CA13: variants seen among roughly 807,000 people sequenced by gnomAD.
CA13 encodes the protein CA-XIII.
Under a neutral mutation model 31.5 loss-of-function variants are expected in CA13, and 21 were observed. The ratio of observed to expected loss-of-function variants is 0.67; its 90% CI spans 0.47 to 0.96. The LOEUF (loss-of-function observed/expected upper bound fraction) is 0.96. Ranked by LOEUF, CA13 falls within the 40% of genes least tolerant of loss-of-function variation. CA13 has a pLI of 0.00. For missense variants in CA13, 315 were observed against 318.9 expected, an observed-to-expected ratio of 0.99 and a Z score of 0.09; for synonymous variants, 117 against 111.4, an observed-to-expected ratio of 1.05 and a Z score of -0.32.
chr8:85,259,732 C>A (rs985578296), intron 3 of CA13, among the ~76,000 whole-genome samples, 193 bp downstream of exon 3: 1 of 152,172 alleles, frequency 6.6e-6, no homozygotes, highest in African/African-American at 2.4e-5. Flanking sequence ...AAGCGTTAAA[C>A]CAACCCTGAG....
chr8:85,279,611 A>G (rs1354293644), intron 6 of CA13, among the ~76,000 whole-genome samples: 1 of 152,180 alleles, frequency 6.6e-6, no homozygotes, highest in African/African-American at 2.4e-5. Flanking sequence ...GGGTTGAACT[A>G]CCAGAGGGGC....
intron 6 of CA13, among the ~76,000 whole-genome samples, chr8:85,274,285 T>A (rs1807568693): frequency 6.6e-6 from 1 of 152,322 alleles, no homozygotes; most frequent in South Asian, 2.1e-4. Context: ...GGGGTATTCT[T>A]GAGAGACGGG....
rs563822912 is a variant in CA13, at chr8:85,251,265, G to A, written c.235+328G>A. 3.9e-5 allele frequency among the ~76,000 whole-genome samples: 6 copies of A among 152,226 alleles called. No individual in the cohort carries two copies. The South Asian group carries it at 1.0e-3, about 26-fold the overall frequency. The stretch of plus-strand genomic sequence containing the variant: ...GATCCGCCTGCCTCGGCCTCCCAAA[G>A]TGCTGGGATTACAGGCGTGAGCCAC... On this transcript the variant is annotated intron_variant, in intron 2 of 6. Coordinates refer to ENST00000321764, the MANE Select transcript of CA13 (RefSeq NM_198584.3).
At chr8:85,262,573 T>C (rs954406927) in intron 3 of CA13, among the ~76,000 whole-genome samples, 2 of 152,162 alleles carry the variant, frequency 1.3e-5, no homozygotes, top group Admixed American at 6.5e-5. Context: ...CTGATCTTAC[T>C]GAGGTAAGTC....
chr8:85,268,109 C>A lies in CA13; in HGVS notation c.513+145C>A, dbSNP rs918255595. On this transcript the variant is annotated intron_variant, in intron 5 of 6. Coordinates refer to ENST00000321764, the MANE Select transcript of CA13 (RefSeq NM_198584.3). ...AAAAAGCAGAAGTAACCTATTACCA[C>A]TTATCTTTTGAATGTAAAGGTCTTA... 1.2e-5 allele frequency: 7 copies of A among 569,842 alleles called. No homozygotes were observed. In the South Asian group the frequency reaches 2.0e-4, roughly 16 times the overall value. 35.3% of individuals were successfully genotyped at this position (569,842 alleles called of 1,614,324 possible). A position where few individuals can be genotyped will look rare whatever the true frequency, so the allele number is the denominator to read the frequency against.
intron 3 of CA13, among the ~76,000 whole-genome samples, chr8:85,262,770 G>T (rs1352322633): frequency 6.6e-6 from 1 of 152,124 alleles, no homozygotes; most frequent in Non-Finnish European, 1.5e-5. Flanking sequence ...GGCAATAAAT[G>T]AGAGTGCAGG....
chr8:85,246,964 C>A (rs1273283364), intron 1 of CA13, among the ~76,000 whole-genome samples: 1 of 152,106 alleles, frequency 6.6e-6, no homozygotes, highest in Non-Finnish European at 1.5e-5. Context: ...TTTAATTTCA[C>A]AAACTAACAG....
chr8:85,250,646 T>C, intron 1 of CA13, 94 bp from the exon 2 acceptor site: 1 of 754,084 alleles, frequency 1.3e-6, no homozygotes, highest in East Asian at 2.6e-5. Context: ...CTTTGCGTTT[T>C]CTTCAATTTC....
rs1807737156 is a variant in CA13, at chr8:85,283,460, T to G, written c.*2111T>G. The G allele has an allele frequency of 6.6e-6, 1 of 152,606 alleles. No individual in the cohort carries two copies. Among genetic ancestry groups the G allele is most frequent in the African/African-American group, 2.4e-5 (1 of 41,468 alleles). 9.5% of individuals were successfully genotyped at this position (152,606 alleles called of 1,614,324 possible). On this transcript the variant is annotated 3_prime_UTR_variant, in exon 7 of 7. Coordinates refer to ENST00000321764, the MANE Select transcript of CA13 (RefSeq NM_198584.3). ...TAAAAAATTTTTTATTTGCTGTCTT[T>G]GGTAATTATCTCTCTGCTTGAAATT...
rs528356356 is a variant in CA13, at chr8:85,267,720, C to T, written c.451-182C>T. Among the ~76,000 whole-genome samples the T allele has an allele frequency of 6.6e-5, 10 of 152,300 alleles. No homozygotes were observed. The South Asian group carries it at 1.9e-3, about 28-fold the overall frequency. On this transcript the variant is annotated intron_variant, in intron 4 of 6. Coordinates refer to ENST00000321764, the MANE Select transcript of CA13 (RefSeq NM_198584.3). ...AACCCTGTAATATTATCTTGTTGTTCAGATCCTTCTGGCATGATAAGGCTG... is the reference window on the plus strand; with the variant it reads ...AACCCTGTAATATTATCTTGTTGTTTAGATCCTTCTGGCATGATAAGGCTG...
In CA13 at chr8:85,259,435, C is replaced by A. The variant is rs140214912; in HGVS notation, c.250C>A (p.Pro84Thr). 411 of 1,613,768 alleles carry A rather than the reference C, an allele frequency of 2.5e-4. 1 individual carries two copies. In the African/African-American group the frequency reaches 4.7e-3, roughly 18 times the overall value. Residue 84 changes from proline (P) to threonine (T), a missense_variant, in exon 3 of 7, where the codon CCT becomes ACT. By Grantham distance (38) the Pro-to-Thr change is conservative. Transcript: ENST00000321764. The stretch of plus-strand genomic sequence containing the variant: ...TTGTTGTTTAGTTCTGCGTGGTGGT[C>A]CTCTCACTGGAAGCTACAGGTTACG... ...TENKSVLRGG[P>T]LTGSYRLRQV...
chr8:85,281,597 C>G lies in CA13; in HGVS notation c.*248C>G. The G allele has an allele frequency of 1.2e-6, 1 of 824,342 alleles. No individual in the cohort carries two copies. Among genetic ancestry groups the G allele is most frequent in the Non-Finnish European group, 1.6e-6 (1 of 635,252 alleles). The allele number at this position is 824,342 out of a possible 1,614,324, so 51.1% of individuals were successfully genotyped here. The stretch of plus-strand genomic sequence containing the variant: ...GTACAGTCTTGGCTAATTGCAGCCT[C>G]CAACTCCTGGACTCAAGTGATCCTC... On this transcript the variant is annotated 3_prime_UTR_variant, in exon 7 of 7. Coordinates refer to ENST00000321764, the MANE Select transcript of CA13 (RefSeq NM_198584.3).
chr8:85,269,885 T>C (rs745601086), intron 6 of CA13, among the ~76,000 whole-genome samples: 11 of 152,170 alleles, frequency 7.2e-5, no homozygotes, highest in Non-Finnish European at 1.2e-4. Context: ...ATTTTTTTTT[T>C]GAAAAATTTT....
Position 85,282,090 on chromosome 8 carries a change from A to G in CA13, c.*741A>G, listed in dbSNP as rs1807717054. 1 of 152,176 alleles carries G rather than the reference A, an allele frequency of 6.6e-6. No homozygotes were observed. The highest frequency in any genetic ancestry group is 6.5e-5 in the Admixed American group (1 of 15,282). 9.4% of individuals were successfully genotyped at this position (152,176 alleles called of 1,614,324 possible). ...TTTGTAACAAGTGATTCTGCTTAAT[A>G]TTTTGTTATTCCAGTTCATAAAAAG... On this transcript the variant is annotated 3_prime_UTR_variant, in exon 7 of 7. Coordinates refer to ENST00000321764, the MANE Select transcript of CA13 (RefSeq NM_198584.3).
chr8:85,274,175 G>C (rs993718806), intron 6 of CA13, among the ~76,000 whole-genome samples: 1 of 152,006 alleles, frequency 6.6e-6, no homozygotes, highest in Non-Finnish European at 1.5e-5. Flanking sequence ...TTCCTATTTG[G>C]TTATAGAAAA....
In CA13 at chr8:85,281,401, C is replaced by G; in HGVS notation, c.*52C>G. On this transcript the variant is annotated 3_prime_UTR_variant, in exon 7 of 7. Transcript: ENST00000321764. ...ACATGGCTGTGGAGAGACAACAAAA[C>G]AAAACAAAGCACAAAAGTCTCTGCC... 3 of 1,584,360 alleles carry G rather than the reference C, an allele frequency of 1.9e-6. No homozygotes were observed. Among genetic ancestry groups the G allele is most frequent in the Non-Finnish European group, 2.6e-6 (3 of 1,160,186 alleles).
chr8:85,268,618 C>T lies in CA13; in HGVS notation c.660C>T (p.Ser220=), dbSNP rs1807487514. 1.7e-5 allele frequency: 27 copies of T among 1,613,102 alleles called. No individual in the cohort carries two copies. The highest frequency in any genetic ancestry group is 2.2e-5 in the Non-Finnish European group (26 of 1,179,632). ...TTTTAAAGCAACCTATAAACATCAG[C>T]TCTCAACAGGTACATAATCTCTTCC... The part of the protein sequence containing the change: ...WIVLKQPINI[S]SQQLAKFRSL... The change falls in exon 6 of 7, where the codon AGC becomes AGT. Residue 220 remains serine (S), a synonymous_variant. Transcript: ENST00000321764.
rs754294632 is a variant in CA13, at chr8:85,266,634, C to G, written c.381C>G (p.Asp127Glu). 6.2e-7 allele frequency: 1 copy of G among 1,613,966 alleles called. No individual in the cohort carries two copies. The highest frequency in any genetic ancestry group is 8.5e-7 in the Non-Finnish European group (1 of 1,179,896). Residue 127 changes from aspartate to glutamate, a missense_variant, in exon 4 of 7, where the codon GAC becomes GAG. Physicochemically the swap from Asp to Glu is conservative, Grantham distance 45 (BLOSUM62 2). Coordinates refer to ENST00000321764, the MANE Select transcript of CA13 (RefSeq NM_198584.3). ...TCCATGTTGTTCACTGGAATTCAGA[C>G]AAATACCCCAGCTTTGTTGAGGCAG... ...AELHVVHWNS[D>E]KYPSFVEAAH...
At chr8:85,249,906 A>C (rs1461295719) in intron 1 of CA13, 2 of 414,572 alleles carry the variant, frequency 4.8e-6, no homozygotes, top group Non-Finnish European at 9.5e-6. Context: ...TGAAAAGGGA[A>C]CTGTTAGCTG....
Sources: allele counts gnomAD v4.1 joint callset (sites outside exome capture counted in the v4.1 genomes callset), GRCh38; gene constraint gnomAD v4.1.1; transcripts MANE v1.5; gene names NCBI Gene and HGNC (gene_info 2026-07-23, HGNC 2026-07-21).